Variants in ZBTB24 observed in about 807,000 individuals in gnomAD.
ZBTB24 encodes the protein zinc finger and BTB domain containing 24, also known as zinc finger and BTB domain-containing protein 24.
Under a neutral mutation model 53.8 loss-of-function variants are expected in ZBTB24, and 32 were observed. The ratio of observed to expected loss-of-function variants is 0.60; its 90% confidence interval spans 0.45 to 0.80. The LOEUF (loss-of-function observed/expected upper bound fraction) is 0.80, where lower values mean the gene tolerates loss of function less well. Among genes scored for constraint, ZBTB24 ranks in the 30% least tolerant of loss-of-function variants. ZBTB24 has a pLI of 0.00. For missense variants in ZBTB24, 722 were observed against 837.1 expected (o/e 0.86, Z 1.70); for synonymous variants, 297 against 306.7 (o/e 0.97, Z 0.33).
rs747433550 is a variant in ZBTB24 at position 109,481,359 on chromosome 6, C to T, written c.668G>A (p.Cys223Tyr). The change falls in exon 2 of 7, where the codon TGT (cysteine) becomes TAT (tyrosine). Residue 223 changes from cysteine (C) to tyrosine (Y), a missense_variant. By Grantham distance (194) the Cys-to-Tyr change is radical (BLOSUM62 -2). Transcript: ENST00000230122. Reference protein sequence around the residue: ...AKEKEESEPTCEPSREEEMPV... With the variant: ...AKEKEESEPTYEPSREEEMPV... ...CATTTCCTCCTCTCTACTTGGCTCA[C>T]AAGTAGGCTCCGATTCTTCCTTTTC... 5.6e-6 allele frequency: 9 copies of T among 1,614,070 alleles called. No individual in the cohort carries two copies. The highest frequency in any genetic ancestry group is 1.7e-5 in the Admixed American group (1 of 59,998).
rs138030648 is a variant in ZBTB24, at chr6:109,476,370, A to G, written c.1121-112T>C. 561 of 1,052,142 alleles carry G rather than the reference A, an allele frequency of 5.3e-4. 1 individual carries two copies. In the African/African-American group the frequency reaches 6.4e-3, roughly 12 times the overall value. 65.2% of individuals were successfully genotyped at this position (1,052,142 alleles called of 1,614,324 possible). ...CAGGTCCCCATTTTCTACAAATGAT[A>G]CAAGCGACTTGTTTACATACCCAGA... On this transcript the variant is annotated intron_variant, in intron 3 of 6. Coordinates refer to ENST00000230122, the MANE Select transcript of ZBTB24 (RefSeq NM_014797.3).
intron 5 of ZBTB24, among the ~76,000 whole-genome samples, chr6:109,473,286 T>C (rs146249795): frequency 6.6e-6 from 1 of 152,108 alleles, no homozygotes; most frequent in South Asian, 2.1e-4. Flanking sequence ...ACCTACACTA[T>C]GACTTCCTAC....
At chr6:109,482,089 G>T in intron 1 of ZBTB24, 35 bp from the exon 2 acceptor site, 1 of 1,474,840 alleles carries the variant, frequency 6.8e-7, no homozygotes, top group Non-Finnish European at 9.4e-7. Flanking sequence ...AAAGGAGAAA[G>T]CACTGTCTAA....
rs201765821 is a variant in ZBTB24 at position 109,465,876 on chromosome 6, G to A, written c.2069C>T (p.Thr690Met). ...TCAGCTCTGCTCCTGGCCAAGTGGCGTTGGCTGGGGCACGTGGTGAGTGGG... is the reference window on the plus strand; with the variant it reads ...TCAGCTCTGCTCCTGGCCAAGTGGCATTGGCTGGGGCACGTGGTGAGTGGG... ...PPPTHHVPQP[T>M]PLGQEQS The change falls in exon 7 of 7, where the codon ACG (threonine) becomes ATG (methionine). Residue 690 changes from threonine (T) to methionine (M), a missense_variant. Transcript: ENST00000230122. 71 of 1,614,184 alleles carry A rather than the reference G, an allele frequency of 4.4e-5. No homozygotes were observed. The highest frequency in any genetic ancestry group is 5.6e-5 in the Non-Finnish European group (66 of 1,180,032).
intron 5 of ZBTB24, among the ~76,000 whole-genome samples, chr6:109,468,222 C>CCAT (rs1413629826): frequency 2.0e-5 from 3 of 152,242 alleles, no homozygotes; most frequent in East Asian, 1.9e-4. Flanking sequence ...CACACCACCA[C>CCAT]CATCTCTTGC....
At chr6:109,474,601 G>A (rs1263784055) in intron 5 of ZBTB24, among the ~76,000 whole-genome samples, 1 of 152,106 alleles carries the variant, frequency 6.6e-6, no homozygotes, top group Admixed American at 6.5e-5. Context: ...GGGCATGGTA[G>A]CGCACACCTA....
Position 109,481,291 on chromosome 6 carries a change from C to G in ZBTB24, c.736G>C (p.Gly246Arg). ...CTGTATCGACTCTGGCTTGCCTGGC[C>G]ATCCTCGGTCTTGGGATCATAGTTC... ...DENYDPKTEDGQASQSRYSKR... is the reference protein window; with the variant it reads ...DENYDPKTEDRQASQSRYSKR... Residue 246 changes from glycine to arginine, a missense_variant, in exon 2 of 7, where the codon GGC (glycine) becomes CGC (arginine). Transcript: ENST00000230122. 1 of 1,614,208 alleles carries G rather than the reference C, an allele frequency of 6.2e-7. No individual in the cohort carries two copies. Among genetic ancestry groups the G allele is most frequent in the Non-Finnish European group, 8.5e-7 (1 of 1,180,038 alleles).
intron 1 of ZBTB24, among the ~76,000 whole-genome samples, chr6:109,482,497 G>C (rs1378171813): frequency 2.2e-5 from 3 of 135,024 alleles, no homozygotes; most frequent in African/African-American, 8.3e-5. Context: ...CTTAGCTCGC[G>C]GTTTTTTTTT....
At position 109,481,726 on chromosome 6, in the gene ZBTB24, C is replaced by T. The variant is rs144189559; in HGVS notation, c.301G>A (p.Ala101Thr). ...LEFIYTGYLH[A>T]SEKSTEQILA... The stretch of plus-strand genomic sequence containing the variant: ...ATTTGTTCTGTACTTTTCTCACTGG[C>T]ATGGAGATAACCTGTGTAGATAAAT... Residue 101 changes from alanine (A) to threonine (T), a missense_variant, in exon 2 of 7, where the codon GCC becomes ACC. Physicochemically the swap from Ala to Thr is moderately conservative, Grantham distance 58. Transcript: ENST00000230122. 535 of 1,614,088 alleles carry T rather than the reference C, an allele frequency of 3.3e-4. No homozygotes were observed. Among genetic ancestry groups the T allele is most frequent in the Non-Finnish European group, 4.2e-4 (493 of 1,180,050 alleles).
chr6:109,471,279 C>T (rs1171086224), intron 5 of ZBTB24, among the ~76,000 whole-genome samples: 1 of 152,196 alleles, frequency 6.6e-6, no homozygotes, highest in African/African-American at 2.4e-5. Flanking sequence ...TGTGTTCACA[C>T]CTCTGCTGTG....
rs1775985236 is a variant in ZBTB24 at position 109,464,501 on chromosome 6, C to T, written c.*1350G>A. The T allele has an allele frequency of 1.3e-5, 2 of 152,188 alleles. No homozygotes were observed. Among genetic ancestry groups the T allele is most frequent in the African/African-American group, 4.8e-5 (2 of 41,446 alleles). 9.4% of individuals were successfully genotyped at this position (152,188 alleles called of 1,614,324 possible). A position where few individuals can be genotyped will look rare whatever the true frequency, so the allele number is the denominator to read the frequency against. Reference sequence around the variant, plus strand: ...TCTTTTCTCAAAAATCCCCTACCAGCTTACATGAAAGTGGTAAAAGAATTC... The same window carrying T: ...TCTTTTCTCAAAAATCCCCTACCAGTTTACATGAAAGTGGTAAAAGAATTC... On this transcript the variant is annotated 3_prime_UTR_variant, in exon 7 of 7. Transcript: ENST00000230122.
In ZBTB24 at chr6:109,476,039, T is replaced by G. The variant is rs938467926; in HGVS notation, c.1204+136A>C. 3.4e-6 allele frequency: 3 copies of G among 886,188 alleles called. No homozygotes were observed. In the African/African-American group the frequency reaches 5.1e-5, roughly 15 times the overall value. The allele number at this position is 886,188 out of a possible 1,614,324, so 54.9% of individuals were successfully genotyped here. On this transcript the variant is annotated intron_variant, in intron 4 of 6. Coordinates refer to ENST00000230122, the MANE Select transcript of ZBTB24 (RefSeq NM_014797.3). ...TAACATAAAAACATGTAATTTAGAC[T>G]CTTAAGGCACTTTTCCCTAAATACC...
chr6:109,463,312 A>G lies in ZBTB24; in HGVS notation c.*2539T>C, dbSNP rs1775946012. 1 of 152,208 alleles carries G rather than the reference A, an allele frequency of 6.6e-6. No individual in the cohort carries two copies. Among genetic ancestry groups the G allele is most frequent in the Admixed American group, 6.5e-5 (1 of 15,278 alleles). The allele number at this position is 152,208 out of a possible 1,614,324, so 9.4% of individuals were successfully genotyped here. ...ATTGAACTTTTTTATTCAAAGGGGT[A>G]GAATGTATATGTGGGACAAAGAAAG... On this transcript the variant is annotated 3_prime_UTR_variant, in exon 7 of 7. Transcript: ENST00000230122.
Position 109,466,045 on chromosome 6 carries a change from G to A in ZBTB24, c.1900C>T (p.Pro634Ser), listed in dbSNP as rs758810180. The change falls in exon 7 of 7, where the codon CCA (proline) becomes TCA (serine). Residue 634 changes from proline (P) to serine (S), a missense_variant. Coordinates refer to ENST00000230122, the MANE Select transcript of ZBTB24 (RefSeq NM_014797.3). ...ESQMGPSQTE[P>S]VHVITLSKET... ...TTGGACAGAGTGATCACGTGCACTG[G>A]CTCTGTTTGTGAGGGCCCCATCTGG... 6.2e-7 allele frequency: 1 copy of A among 1,614,240 alleles called. No homozygotes were observed. The highest frequency in any genetic ancestry group is 8.5e-7 in the Non-Finnish European group (1 of 1,180,052).
chr6:109,478,320 C>G (rs959352970), intron 2 of ZBTB24, among the ~76,000 whole-genome samples: 1 of 152,222 alleles, frequency 6.6e-6, no homozygotes, highest in Admixed American at 6.5e-5. Context: ...TGCACACTTA[C>G]AGACAGACAT....
chr6:109,478,476 G>A (rs922932085), intron 2 of ZBTB24, among the ~76,000 whole-genome samples: 10 of 152,076 alleles, frequency 6.6e-5, no homozygotes, highest in South Asian at 2.1e-4. Flanking sequence ...ATTGGGCCAC[G>A]AGAAATAGCA....
chr6:109,467,505 A>G (rs2115354469), intron 6 of ZBTB24, 148 bp downstream of exon 6: 2 of 1,533,858 alleles, frequency 1.3e-6, no homozygotes, highest in East Asian at 2.4e-5. Context: ...CAAAACAAAC[A>G]AACAAAACAA....
At position 109,481,113 on chromosome 6, in the gene ZBTB24, T is replaced by C. The variant is rs1776398605; in HGVS notation, c.914A>G (p.Tyr305Cys). ...RCKDCGKVFK[Y>C]NHFLAIHQRS... ...CTGGTGGATTGCTAAAAAGTGATTG[T>C]ACTTAAAGACCTTGCCACAGTCTTT... Residue 305 changes from tyrosine to cysteine, a missense_variant, in exon 2 of 7, where the codon TAC becomes TGC. Coordinates refer to ENST00000230122, the MANE Select transcript of ZBTB24 (RefSeq NM_014797.3). The C allele has an allele frequency of 1.2e-6, 2 of 1,614,226 alleles. No homozygotes were observed. The highest frequency in any genetic ancestry group is 1.7e-6 in the Non-Finnish European group (2 of 1,180,050).
chr6:109,469,242 C>T (rs1412057699), intron 5 of ZBTB24, among the ~76,000 whole-genome samples: 4 of 152,162 alleles, frequency 2.6e-5, no homozygotes, highest in African/African-American at 9.7e-5. Flanking sequence ...TGGTTTTCTC[C>T]CTCTCCAGAT....
Sources: allele counts gnomAD v4.1 joint callset (sites outside exome capture counted in the v4.1 genomes callset), GRCh38; gene constraint gnomAD v4.1.1; transcripts MANE v1.5; gene names NCBI Gene and HGNC (gene_info 2026-07-23, HGNC 2026-07-21).